BEND6: variants seen among roughly 807,000 people sequenced by gnomAD.
BEND6 encodes the protein BEN domain containing 6.
In BEND6, 24 loss-of-function variants were observed where a neutral mutation model predicts 31.8. The ratio of observed to expected loss-of-function variants is 0.75; its 90% confidence interval spans 0.55 to 1.06. The LOEUF (loss-of-function observed/expected upper bound fraction) is 1.06. BEND6 is among the 50% of genes least tolerant of loss of function. The pLI, the probability that BEND6 is intolerant of heterozygous loss-of-function variation, is 0.00. For synonymous variants in BEND6, 109 were observed against 114.6 expected (o/e 0.95, Z 0.31); for missense variants, 294 against 327.4 (o/e 0.90, Z 0.79).
At chr6:57,001,155 CTTTTT>C (rs33918532) in intron 3 of BEND6, among the ~76,000 whole-genome samples, 4 of 118,238 alleles carry the variant, frequency 3.4e-5, no homozygotes, top group Non-Finnish European at 1.8e-5. Context: ...AAGAAAAAGT[CTTTTT>C]TTTTTTTTTT....
At chr6:56,997,254 T>C (rs1237036939) in intron 3 of BEND6, among the ~76,000 whole-genome samples, 2 of 152,180 alleles carry the variant, frequency 1.3e-5, no homozygotes, top group African/African-American at 4.8e-5. Flanking sequence ...CCCCCATTTC[T>C]TTCAGATCTT....
intron 6 of BEND6, among the ~76,000 whole-genome samples, chr6:57,022,284 A>G (rs955037602): frequency 9.8e-5 from 14 of 142,696 alleles, no homozygotes; most frequent in African/African-American, 3.1e-4. Context: ...AAGACTTTTT[A>G]TTATAATTTT....
intron 2 of BEND6, among the ~76,000 whole-genome samples, chr6:56,984,984 T>A (rs575355781): frequency 1.3e-5 from 2 of 152,370 alleles, no homozygotes; most frequent in South Asian, 4.1e-4. Flanking sequence ...AATTGCATGC[T>A]GCACTCAGAG....
rs75066810 is a variant in BEND6, at chr6:56,965,885, A to G, written c.-101+10425A>G. On this transcript the variant is annotated intron_variant, in intron 1 of 6. Coordinates refer to ENST00000370746, the MANE Select transcript of BEND6 (RefSeq NM_152731.3). ...TTGTGAATTTGCAAAATTGGTCCAA[A>G]AGTTATTAATGTTGTAGAATACATT... Among the ~76,000 whole-genome samples, 1,057 of 152,180 alleles carry G rather than the reference A, an allele frequency of 6.9e-3. 48 individuals are homozygous for G. The East Asian group carries it at 0.11, about 15-fold the overall frequency.
At chr6:57,020,843 T>G (rs559168264) in intron 6 of BEND6, among the ~76,000 whole-genome samples, 12 of 150,900 alleles carry the variant, frequency 8.0e-5, no homozygotes, top group South Asian at 2.1e-4. Context: ...GTTTTTTTTT[T>G]TTTTTTTTTT....
rs1481705571 is a variant in BEND6 at position 57,018,573 on chromosome 6, C to A, written c.*9+16C>A. ...GATCCTTTTGGTAAGTCTTTTAAAT[C>A]TTCAGTCCTTTCAATGTGGCAAGAA... is the stretch of plus-strand genomic sequence containing the variant. On this transcript the variant is annotated intron_variant, in intron 6 of 6. Coordinates refer to ENST00000370746, the MANE Select transcript of BEND6 (RefSeq NM_152731.3). The A allele has an allele frequency of 6.7e-7, 1 of 1,482,438 alleles. No homozygotes were observed. Among genetic ancestry groups the A allele is most frequent in the South Asian group, 1.4e-5 (1 of 69,540 alleles). 91.8% of individuals were successfully genotyped at this position (1,482,438 alleles called of 1,614,324 possible).
At chr6:57,020,841 T>TG (rs1218862242) in intron 6 of BEND6, among the ~76,000 whole-genome samples, 10 of 147,982 alleles carry the variant, frequency 6.8e-5, no homozygotes, top group South Asian at 6.4e-4. Context: ...TTGTTTTTTT[T>TG]TTTTTTTTTT....
chr6:56,966,531 G>A (rs963902569), intron 1 of BEND6, among the ~76,000 whole-genome samples: 1 of 152,154 alleles, frequency 6.6e-6, no homozygotes, highest in Non-Finnish European at 1.5e-5. Context: ...TCTGAATTTT[G>A]CATTTACTTT....
At chr6:57,011,179 CA>C (rs538634841) in intron 3 of BEND6, among the ~76,000 whole-genome samples, 197 of 151,860 alleles carry the variant, frequency 1.3e-3, no homozygotes, top group African/African-American at 4.4e-3. Flanking sequence ...TATAACCTAT[CA>C]AAAAAAATGG....
intron 1 of BEND6, among the ~76,000 whole-genome samples, chr6:56,981,343 G>T (rs186247665): frequency 6.6e-6 from 1 of 151,902 alleles, no homozygotes. Context: ...TATTATTAAC[G>T]TCTTTTTCCT....
Position 56,992,547 on chromosome 6 carries a change from T to C in BEND6, c.290T>C (p.Met97Thr), listed in dbSNP as rs1826546292. The C allele has an allele frequency of 6.2e-7, 1 of 1,607,864 alleles. No individual in the cohort carries two copies. The highest frequency in any genetic ancestry group is 8.5e-7 in the Non-Finnish European group (1 of 1,178,566). Residue 97 changes from methionine to threonine, a missense_variant, in exon 3 of 7, where the codon ATG becomes ACG. By Grantham distance (81) the Met-to-Thr change is moderately conservative. Transcript: ENST00000370746. ...AGCCGACTTCGACAGTCTTTGGTCA[T>C]GCTTCAAGGTAAACTTTGAGAAAAT... ...ENSRLRQSLV[M>T]LQVLPQAVTQ...
At chr6:57,017,716 A>G (rs1343992810) in intron 5 of BEND6, among the ~76,000 whole-genome samples, 2 of 152,158 alleles carry the variant, frequency 1.3e-5, no homozygotes. Flanking sequence ...TGCTTTTGTT[A>G]TATGTCTTAT....
chr6:56,982,664 C>T (rs1234922139), intron 2 of BEND6, among the ~76,000 whole-genome samples: 2 of 151,952 alleles, frequency 1.3e-5, no homozygotes, highest in East Asian at 1.9e-4. Flanking sequence ...ATAAATATTA[C>T]ATTCTTAAGG....
intron 3 of BEND6, among the ~76,000 whole-genome samples, chr6:56,994,806 T>G (rs1464132017): frequency 6.6e-6 from 1 of 152,104 alleles, no homozygotes; most frequent in Non-Finnish European, 1.5e-5. Flanking sequence ...AAGAGAAAAT[T>G]TTAAATAAAG....
chr6:57,014,303 A>G (rs938599518), intron 3 of BEND6, among the ~76,000 whole-genome samples: 4 of 152,352 alleles, frequency 2.6e-5, no homozygotes, highest in South Asian at 4.1e-4. Context: ...TAATTATTCT[A>G]AAATTGTAGC....
chr6:57,000,628 A>T (rs1339734941), intron 3 of BEND6, among the ~76,000 whole-genome samples: 1 of 142,708 alleles, frequency 7.0e-6, no homozygotes, highest in Non-Finnish European at 1.5e-5. Context: ...AAAATATGAG[A>T]TAATGAAAAA....
At chr6:57,017,749 G>T (rs983391039) in intron 5 of BEND6, among the ~76,000 whole-genome samples, 3 of 151,962 alleles carry the variant, frequency 2.0e-5, no homozygotes, top group African/African-American at 7.3e-5. Context: ...AAAGATAAAG[G>T]CTAATTTGAC....
At chr6:56,994,632 A>G (rs1337975398) in intron 3 of BEND6, among the ~76,000 whole-genome samples, 5 of 152,074 alleles carry the variant, frequency 3.3e-5, no homozygotes, top group African/African-American at 9.7e-5. Flanking sequence ...CCTTGTTGCT[A>G]TGAGAATTCA....
chr6:57,010,735 A>C, intron 3 of BEND6: 1 of 885,682 alleles, frequency 1.1e-6, no homozygotes, highest in Non-Finnish European at 1.4e-6. Flanking sequence ...AAAGATATTT[A>C]AATTCTACAA....
Sources: allele counts gnomAD v4.1 joint callset (sites outside exome capture counted in the v4.1 genomes callset), GRCh38; gene constraint gnomAD v4.1.1; transcripts MANE v1.5; gene names NCBI Gene and HGNC (gene_info 2026-07-23, HGNC 2026-07-21).